NSMCE2: variants seen among roughly 807,000 people sequenced by gnomAD.
NSMCE2 encodes NSE2 SUMO ligase component of SMC5/6 complex.
NSMCE2 carries 24 observed loss-of-function variants against 23.8 expected under a neutral mutation model. That is an observed-to-expected ratio of 1.01 (90% CI 0.73 to 1.42). NSMCE2 has a LOEUF of 1.42. Among genes scored for constraint, NSMCE2 ranks in the 40% most tolerant of loss-of-function variants. The pLI is 0.00. For synonymous variants in NSMCE2, 92 were observed against 94.1 expected, an observed-to-expected ratio of 0.98 and a Z score of 0.13; for missense variants, 284 against 296.5, an observed-to-expected ratio of 0.96 and a Z score of 0.31.
chr8:125,258,936 C>T (rs557610573), intron 5 of NSMCE2, among the ~76,000 whole-genome samples: 116 of 152,230 alleles, frequency 7.6e-4, no homozygotes, highest in African/African-American at 2.7e-3. Context: ...GAGTTTTGCT[C>T]TTGTTGCCCA....
intron 5 of NSMCE2, among the ~76,000 whole-genome samples, chr8:125,345,797 G>A (rs112410667): frequency 1.3e-5 from 2 of 152,308 alleles, no homozygotes; most frequent in Non-Finnish European, 2.9e-5. Context: ...ATTGAAGTGA[G>A]TAGAGTAGGA....
At chr8:125,326,957 A>C (rs74422702) in intron 5 of NSMCE2, among the ~76,000 whole-genome samples, 1 of 129,208 alleles carries the variant, frequency 7.7e-6, no homozygotes, top group Non-Finnish European at 1.7e-5. Flanking sequence ...ACTCCATTTC[A>C]AAAAAAAAAA....
chr8:125,235,945 C>G (rs944708045), intron 5 of NSMCE2, among the ~76,000 whole-genome samples: 1 of 152,122 alleles, frequency 6.6e-6, no homozygotes. Flanking sequence ...AATGTTAACG[C>G]AGGAAGAAAT....
intron 5 of NSMCE2, among the ~76,000 whole-genome samples, chr8:125,315,826 A>C (rs1343535907): frequency 1.3e-5 from 2 of 150,738 alleles, no homozygotes; most frequent in African/African-American, 4.9e-5. Context: ...TTTTAAAGTC[A>C]GGGTTTCACT....
intron 4 of NSMCE2, among the ~76,000 whole-genome samples, chr8:125,173,788 C>G (rs965667393): frequency 2.0e-5 from 3 of 152,142 alleles, no homozygotes; most frequent in Non-Finnish European, 4.4e-5. Context: ...TGTGTTGTTA[C>G]TTGGAGGCAC....
chr8:125,273,848 A>T (rs1827328492), intron 5 of NSMCE2, among the ~76,000 whole-genome samples: 1 of 152,128 alleles, frequency 6.6e-6, no homozygotes, highest in South Asian at 2.1e-4. Context: ...GTGCTGTATA[A>T]ATGTTAGAGT....
chr8:125,187,063 C>T lies in NSMCE2; in HGVS notation c.418+4807C>T, dbSNP rs1275635371. On this transcript the variant is annotated intron_variant, in intron 5 of 7. Transcript: ENST00000287437. ...GTCATTACCAAGATTAAATGAGATA[C>T]TGACTCTGCTAGCTCTAAAAGCTTT... Among the ~76,000 whole-genome samples the T allele has an allele frequency of 2.6e-5, 4 of 152,150 alleles. No homozygotes were observed. The East Asian group carries it at 7.7e-4, about 29-fold the overall frequency.
At position 125,272,309 on chromosome 8, in the gene NSMCE2, C is replaced by T. The variant is rs146532859; in HGVS notation, c.419-84910C>T. 1.3e-4 allele frequency among the ~76,000 whole-genome samples: 19 copies of T among 151,646 alleles called. No homozygotes were observed. The East Asian group carries it at 2.3e-3, about 19-fold the overall frequency. Reference sequence around the variant, plus strand: ...GATTACAGGCTTGAGCCACCGCGCCCGGCAAATCTGCAGTTTCTTCATTTT... The same window carrying T: ...GATTACAGGCTTGAGCCACCGCGCCTGGCAAATCTGCAGTTTCTTCATTTT... On this transcript the variant is annotated intron_variant, in intron 5 of 7. Transcript: ENST00000287437.
intron 5 of NSMCE2, among the ~76,000 whole-genome samples, chr8:125,257,100 A>G (rs1826466197): frequency 6.6e-6 from 1 of 151,368 alleles, no homozygotes; most frequent in Non-Finnish European, 1.5e-5. Flanking sequence ...GCTGGCCAAC[A>G]TGGTGAAGCC....
chr8:125,243,033 A>G (rs1825818364), intron 5 of NSMCE2, among the ~76,000 whole-genome samples: 2 of 152,188 alleles, frequency 1.3e-5, no homozygotes, highest in Non-Finnish European at 2.9e-5. Context: ...CTATCTGGGT[A>G]AGCAATGTGG....
At chr8:125,279,083 A>G (rs1031509964) in intron 5 of NSMCE2, among the ~76,000 whole-genome samples, 17 of 152,350 alleles carry the variant, frequency 1.1e-4, no homozygotes, top group African/African-American at 4.1e-4. Context: ...TGCCATCTCC[A>G]AAAGTTTAGA....
At chr8:125,118,866 T>TA (rs1372242016) in intron 3 of NSMCE2, among the ~76,000 whole-genome samples, 17 of 152,152 alleles carry the variant, frequency 1.1e-4, no homozygotes, top group African/African-American at 4.1e-4. Flanking sequence ...TTTCACAAAA[T>TA]AAAAATAAAC....
At chr8:125,100,993 A>T (rs1818159666) in intron 1 of NSMCE2, among the ~76,000 whole-genome samples, 1 of 152,258 alleles carries the variant, frequency 6.6e-6, no homozygotes. Context: ...TGGTATTCTC[A>T]TGCTAAAGGA....
chr8:125,281,950 G>A (rs529997865), intron 5 of NSMCE2, among the ~76,000 whole-genome samples: 4 of 152,142 alleles, frequency 2.6e-5, no homozygotes, highest in Admixed American at 6.5e-5. Flanking sequence ...TGTCTAGCTC[G>A]TAGCTTGCAA....
chr8:125,127,353 G>A (rs557321724), intron 3 of NSMCE2, among the ~76,000 whole-genome samples: 51 of 152,194 alleles, frequency 3.4e-4, no homozygotes, highest in African/African-American at 1.2e-3. Flanking sequence ...GGCCATGTGT[G>A]TTTCTGTGTG....
At chr8:125,266,250 C>CG (rs1181172194) in intron 5 of NSMCE2, among the ~76,000 whole-genome samples, 1 of 152,164 alleles carries the variant, frequency 6.6e-6, no homozygotes, top group African/African-American at 2.4e-5. Context: ...TGCCACCACG[C>CG]CCGGCTAATT....
At chr8:125,313,741 C>T (rs1829065902) in intron 5 of NSMCE2, among the ~76,000 whole-genome samples, 1 of 152,148 alleles carries the variant, frequency 6.6e-6, no homozygotes, top group African/African-American at 2.4e-5. Context: ...CAAAGTGTGA[C>T]ACTGTTCAGT....
intron 5 of NSMCE2, among the ~76,000 whole-genome samples, chr8:125,239,349 C>G (rs1825674550): frequency 6.6e-6 from 1 of 152,102 alleles, no homozygotes; most frequent in Admixed American, 6.5e-5. Flanking sequence ...TGGATCACTC[C>G]TGTAATCCCA....
At position 125,168,119 on chromosome 8, in the gene NSMCE2, T is replaced by G. The variant is rs73348195; in HGVS notation, c.265-13984T>G. 1.2e-3 allele frequency among the ~76,000 whole-genome samples: 184 copies of G among 152,336 alleles called. 2 individuals are homozygous for G. The highest frequency in any genetic ancestry group is 4.1e-3 in the African/African-American group (171 of 41,574). On this transcript the variant is annotated intron_variant, in intron 4 of 7. Coordinates refer to ENST00000287437, the MANE Select transcript of NSMCE2 (RefSeq NM_173685.4). ...ATGGGTTTAATTTCTATGAAAGATT[T>G]TATTTTTTTTTGTGGACTACTTATG...
Sources: gnomAD v4.1 joint callset for allele counts (sites outside exome capture counted in the v4.1 genomes callset) on GRCh38, gnomAD v4.1.1 for gene constraint, MANE v1.5 for transcripts, NCBI Gene and HGNC (gene_info 2026-07-23, HGNC 2026-07-21) for gene names.